Variants in TAF1B observed in about 807,000 individuals in gnomAD.
The protein encoded by TAF1B is TATA box-binding protein-associated factor RNA polymerase I subunit B.
In TAF1B, 61 loss-of-function variants were observed where a neutral mutation model predicts 83.9. That is an observed-to-expected ratio of 0.73 (90% CI 0.59 to 0.90). The LOEUF (loss-of-function observed/expected upper bound fraction) is 0.90, where lower values mean the gene tolerates loss of function less well. Among genes scored for constraint, TAF1B ranks in the 40% least tolerant of loss-of-function variants. TAF1B has a pLI of 0.00. For missense variants in TAF1B, 625 were observed against 677.0 expected, an observed-to-expected ratio of 0.92 and a Z score of 0.85; for synonymous variants, 221 against 224.6, an observed-to-expected ratio of 0.98 and a Z score of 0.14.
rs772379354 is a variant in TAF1B at position 9,845,318 on chromosome 2, G to A, written c.117G>A (p.Glu39=). The A allele has an allele frequency of 3.1e-6, 5 of 1,610,450 alleles. No individual in the cohort carries two copies. In the East Asian group the frequency reaches 1.1e-4, roughly 36 times the overall value. ...YYCTSCHNVT[E]RYQEVTNTDL... is the part of the protein sequence containing the mutation. ...GCACTTCTTGCCACAATGTTACAGA[G>A]GTAAGTAACAAATATCATTTATGAA... The change falls in exon 2 of 15, where the codon GAG becomes GAA. Residue 39 remains glutamate, a splice_region_variant and synonymous_variant. Coordinates refer to ENST00000263663, the MANE Select transcript of TAF1B (RefSeq NM_005680.3).
intron 9 of TAF1B, among the ~76,000 whole-genome samples, chr2:9,908,467 A>G (rs1665418899): frequency 6.6e-6 from 1 of 152,188 alleles, no homozygotes; most frequent in African/African-American, 2.4e-5. Flanking sequence ...CTACAACCCA[A>G]TATAGATAAT....
intron 5 of TAF1B, among the ~76,000 whole-genome samples, chr2:9,864,423 G>A (rs566977465): frequency 6.6e-6 from 1 of 152,212 alleles, no homozygotes; most frequent in South Asian, 2.1e-4. Context: ...CCAATAAGAG[G>A]CTCTGAAATT....
chr2:9,844,515 A>G (rs1411668177), intron 1 of TAF1B: 1 of 152,250 alleles, frequency 6.6e-6, no homozygotes, highest in Admixed American at 6.5e-5. Flanking sequence ...CAATGCTAAC[A>G]ACAAGTCAAA....
At chr2:9,933,704 G>A in intron 14 of TAF1B, 79 bp from the exon 15 acceptor site, 1 of 1,153,866 alleles carries the variant, frequency 8.7e-7, no homozygotes, top group South Asian at 1.5e-5. Context: ...TAAGTTATTT[G>A]GGGGGATGTT....
At position 9,868,387 on chromosome 2, in the gene TAF1B, C is replaced by G; in HGVS notation, c.511C>G (p.His171Asp). Residue 171 changes from histidine (H) to aspartate (D), a missense_variant, in exon 6 of 15, where the codon CAC becomes GAC. Transcript: ENST00000263663. Reference protein sequence around the residue: ...ESGAESQSDIHTRKPFPVSKA... With the variant: ...ESGAESQSDIDTRKPFPVSKA... ...TGGAGCGGAGTCTCAGTCTGACATC[C>G]ACACTCGAAAACCTTTCCCCGTCAG... is the stretch of plus-strand genomic sequence containing the variant. 2 of 1,613,922 alleles carry G rather than the reference C, an allele frequency of 1.2e-6. No individual in the cohort carries two copies. The highest frequency in any genetic ancestry group is 1.7e-6 in the Non-Finnish European group (2 of 1,179,914).
chr2:9,864,424 C>T (rs535903163), intron 5 of TAF1B, among the ~76,000 whole-genome samples: 1 of 152,198 alleles, frequency 6.6e-6, no homozygotes, highest in South Asian at 2.1e-4. Flanking sequence ...CAATAAGAGG[C>T]TCTGAAATTG....
chr2:9,928,445 T>G (rs1467255589), intron 14 of TAF1B, among the ~76,000 whole-genome samples: 1 of 152,186 alleles, frequency 6.6e-6, no homozygotes, highest in Non-Finnish European at 1.5e-5. Context: ...TAAATTACCT[T>G]AAGCAGCATG....
At position 9,927,353 on chromosome 2, in the gene TAF1B, T is replaced by C. The variant is rs189916490; in HGVS notation, c.1566-6430T>C. On this transcript the variant is annotated intron_variant, in intron 14 of 14. Coordinates refer to ENST00000263663, the MANE Select transcript of TAF1B (RefSeq NM_005680.3). ...CATACATGTGCATGTGTCTTTATAG[T>C]AGCATGATTTATAATCCTTTGGGTA... 8.9e-4 allele frequency among the ~76,000 whole-genome samples: 135 copies of C among 152,296 alleles called. 1 individual carries two copies. Among genetic ancestry groups the C allele is most frequent in the Non-Finnish European group, 1.4e-3 (97 of 68,022 alleles).
At chr2:9,898,143 G>C (rs1665073202) in intron 8 of TAF1B, among the ~76,000 whole-genome samples, 1 of 152,116 alleles carries the variant, frequency 6.6e-6, no homozygotes, top group Admixed American at 6.5e-5. Context: ...GGCATATTCT[G>C]TTTTCTGGGG....
At chr2:9,882,547 A>G (rs568396533) in intron 7 of TAF1B, among the ~76,000 whole-genome samples, 159 bp from the exon 8 acceptor site, 1 of 152,364 alleles carries the variant, frequency 6.6e-6, no homozygotes, top group South Asian at 2.1e-4. Context: ...AAAGAGAATA[A>G]TAGATATGAT....
chr2:9,885,196 A>G (rs1664636012), intron 8 of TAF1B, among the ~76,000 whole-genome samples: 1 of 152,194 alleles, frequency 6.6e-6, no homozygotes, highest in Non-Finnish European at 1.5e-5. Context: ...TCTAAGTCAG[A>G]TTACCATCTG....
At chr2:9,875,118 C>T (rs1664284509) in intron 6 of TAF1B, among the ~76,000 whole-genome samples, 1 of 151,992 alleles carries the variant, frequency 6.6e-6, no homozygotes, top group Non-Finnish European at 1.5e-5. Flanking sequence ...TCCACCACTA[C>T]ACCCGGCTAA....
chr2:9,895,803 G>A (rs1664999503), intron 8 of TAF1B, among the ~76,000 whole-genome samples: 1 of 146,644 alleles, frequency 6.8e-6, no homozygotes, highest in Non-Finnish European at 1.5e-5. Context: ...TAAGGGTGAG[G>A]CACTGCACTC....
intron 2 of TAF1B, chr2:9,846,095 A>G (rs1490313806): frequency 4.2e-6 from 2 of 470,896 alleles, no homozygotes; most frequent in Non-Finnish European, 8.8e-6. Context: ...CCATTATCTC[A>G]TTTCCTCCTC....
intron 8 of TAF1B, among the ~76,000 whole-genome samples, chr2:9,900,397 T>C (rs1230720239): frequency 6.6e-6 from 1 of 152,010 alleles, no homozygotes; most frequent in Non-Finnish European, 1.5e-5. Flanking sequence ...TAGCTGGGTG[T>C]GGTGGTGCAT....
At chr2:9,866,576 C>G (rs2125145080) in intron 5 of TAF1B, among the ~76,000 whole-genome samples, 1 of 152,282 alleles carries the variant, frequency 6.6e-6, no homozygotes, top group Non-Finnish European at 1.5e-5. Context: ...CCCAGCCATC[C>G]CATTACTGGG....
At chr2:9,887,207 GT>G (rs35597575) in intron 8 of TAF1B, among the ~76,000 whole-genome samples, 42,439 of 152,084 alleles carry the variant, frequency 0.28, 6,898 homozygotes, top group Middle Eastern at 0.4. Context: ...CATCTAAACT[GT>G]TTCCTTCCTC....
At chr2:9,930,554 T>C (rs1051872218) in intron 14 of TAF1B, among the ~76,000 whole-genome samples, 1 of 152,238 alleles carries the variant, frequency 6.6e-6, no homozygotes, top group African/African-American at 2.4e-5. Flanking sequence ...TTCTGTTCTT[T>C]TACATTTGCT....
chr2:9,894,835 A>G (rs2125163413), intron 8 of TAF1B, among the ~76,000 whole-genome samples: 1 of 152,284 alleles, frequency 6.6e-6, no homozygotes, highest in East Asian at 1.9e-4. Flanking sequence ...TCAAATAGAA[A>G]TTATTTTGAG....
Sources: gnomAD v4.1 joint callset for allele counts (sites outside exome capture counted in the v4.1 genomes callset) on GRCh38, gnomAD v4.1.1 for gene constraint, MANE v1.5 for transcripts, NCBI Gene and HGNC (gene_info 2026-07-23, HGNC 2026-07-21) for gene names.